Variants in PTPRQ observed in about 807,000 individuals in gnomAD.
The protein encoded by PTPRQ is protein tyrosine phosphatase receptor type Q.
Under a neutral mutation model 246.0 loss-of-function variants are expected in PTPRQ, and 199 were observed. The ratio of observed to expected loss-of-function variants is 0.81; its 90% CI spans 0.72 to 0.91. PTPRQ has a LOEUF of 0.91. Ranked by LOEUF, PTPRQ falls within the 40% of genes least tolerant of loss-of-function variation. The pLI, the probability that PTPRQ is intolerant of heterozygous loss-of-function variation, is 0.00. For synonymous variants in PTPRQ, 869 were observed against 853.2 expected (o/e 1.02, Z -0.32); for missense variants, 2,624 against 2,528.4 (o/e 1.04, Z -0.81).
At chr12:80,466,174 C>T (rs1446168349) in intron 6 of PTPRQ, among the ~76,000 whole-genome samples, 1 of 152,130 alleles carries the variant, frequency 6.6e-6, no homozygotes, top group African/African-American at 2.4e-5. Context: ...GATACAAAAT[C>T]AATGTACAAA....
intron 34 of PTPRQ, 126 bp downstream of exon 34, chr12:80,632,417 T>A: frequency 7.6e-7 from 1 of 1,315,286 alleles, no homozygotes; most frequent in Non-Finnish European, 1.0e-6. Context: ...AATAGACAGA[T>A]AAAAATGTAT....
At position 80,528,026 on chromosome 12, in the gene PTPRQ, C is replaced by T. The variant is rs529156061; in HGVS notation, c.2679-5989C>T. Reference sequence around the variant, plus strand: ...CTGAGCCTGGGGTTGGGGCCATCGACGCTGCAGTGAGTTGTGATCATACCA... The same window carrying T: ...CTGAGCCTGGGGTTGGGGCCATCGATGCTGCAGTGAGTTGTGATCATACCA... On this transcript the variant is annotated intron_variant, in intron 17 of 44. Transcript: ENST00000644991. Among the ~76,000 whole-genome samples, 95 of 152,064 alleles carry T rather than the reference C, an allele frequency of 6.2e-4. 3 individuals are homozygous for T. In the Middle Eastern group the frequency reaches 0.041, roughly 65 times the overall value.
intron 8 of PTPRQ, among the ~76,000 whole-genome samples, chr12:80,478,961 T>C (rs1893927261): frequency 6.6e-6 from 1 of 151,996 alleles, no homozygotes; most frequent in Admixed American, 6.6e-5. Context: ...TGCAGGATAT[T>C]ATCCAGGAGA....
rs139832090 is a variant in PTPRQ, at chr12:80,680,218, G to C, written c.*1195G>C. Reference sequence around the variant, plus strand: ...AGAAGTATATCTTATGCTTATTTCCGCTGGAACATATATATATAAGAAATG... The same window carrying C: ...AGAAGTATATCTTATGCTTATTTCCCCTGGAACATATATATATAAGAAATG... On this transcript the variant is annotated 3_prime_UTR_variant, in exon 45 of 45. Transcript: ENST00000644991. 2 of 150,956 alleles carry C rather than the reference G, an allele frequency of 1.3e-5. No homozygotes were observed. The highest frequency in any genetic ancestry group is 3.0e-5 in the Non-Finnish European group (2 of 67,654). 9.4% of individuals were successfully genotyped at this position (150,956 alleles called of 1,614,324 possible).
chr12:80,622,091 A>G lies in PTPRQ; in HGVS notation c.5643A>G (p.Gly1881=), dbSNP rs1437710194. Residue 1881 remains glycine, a synonymous_variant, in exon 33 of 45, where the codon GGA becomes GGG. Coordinates refer to ENST00000644991, the MANE Select transcript of PTPRQ (RefSeq NM_001145026.2). The part of the protein sequence containing the change: ...LFKFRATNIM[G]QFTDSDYSDP... ...AATTTAGAGCTACAAATATTATGGG[A>G]CAATTTACTGACTCTGATTATTCTG... The G allele has an allele frequency of 1.4e-6, 2 of 1,446,856 alleles. No homozygotes were observed. Among genetic ancestry groups the G allele is most frequent in the South Asian group, 1.5e-5 (1 of 66,542 alleles). 89.6% of individuals were successfully genotyped at this position (1,446,856 alleles called of 1,614,324 possible). A position where few individuals can be genotyped will look rare whatever the true frequency, so the allele number is the denominator to read the frequency against.
At chr12:80,468,300 A>G (rs1592543447) in intron 6 of PTPRQ, among the ~76,000 whole-genome samples, 1 of 152,120 alleles carries the variant, frequency 6.6e-6, no homozygotes, top group Non-Finnish European at 1.5e-5. Context: ...TGAAACTTCT[A>G]CCTGTGTTAA....
intron 8 of PTPRQ, among the ~76,000 whole-genome samples, chr12:80,477,793 C>T (rs1565731906): frequency 6.6e-6 from 1 of 152,194 alleles, no homozygotes; most frequent in African/African-American, 2.4e-5. Flanking sequence ...AATCGGGTCA[C>T]TCCGACCCGA....
intron 39 of PTPRQ, among the ~76,000 whole-genome samples, chr12:80,668,714 G>T (rs1425892100): frequency 6.6e-6 from 1 of 151,896 alleles, no homozygotes; most frequent in East Asian, 1.9e-4. Flanking sequence ...CAAAGACTCA[G>T]ACTTAAGACC....
rs1237273783 is a variant in PTPRQ, at chr12:80,505,910, A to G, written c.2273-114A>G. On this transcript the variant is annotated intron_variant, in intron 14 of 44. Coordinates refer to ENST00000644991, the MANE Select transcript of PTPRQ (RefSeq NM_001145026.2). ...TTCATTCAGGATATTTATTACGATT[A>G]CATTCTAGTGAAGGTTCAATTGTAA... 3 of 1,163,164 alleles carry G rather than the reference A, an allele frequency of 2.6e-6. No individual in the cohort carries two copies. The African/African-American group carries it at 4.8e-5, about 19-fold the overall frequency. 72.1% of individuals were successfully genotyped at this position (1,163,164 alleles called of 1,614,324 possible). A position where few individuals can be genotyped will look rare whatever the true frequency, so the allele number is the denominator to read the frequency against.
chr12:80,641,337 A>G (rs1486922484), intron 35 of PTPRQ, among the ~76,000 whole-genome samples: 1 of 152,216 alleles, frequency 6.6e-6, no homozygotes, highest in Non-Finnish European at 1.5e-5. Context: ...AAGGAATATG[A>G]ATGGAGGCAG....
chr12:80,533,751 A>G (rs1895909421), intron 17 of PTPRQ, among the ~76,000 whole-genome samples: 1 of 152,052 alleles, frequency 6.6e-6, no homozygotes, highest in South Asian at 2.1e-4. Flanking sequence ...ATCCATTAAA[A>G]TTGGTCCAAG....
chr12:80,468,154 G>T (rs1324711079), intron 6 of PTPRQ, among the ~76,000 whole-genome samples: 1 of 152,000 alleles, frequency 6.6e-6, no homozygotes, highest in Non-Finnish European at 1.5e-5. Flanking sequence ...AATTTAAAAT[G>T]TCATTATTAT....
intron 17 of PTPRQ, among the ~76,000 whole-genome samples, chr12:80,523,913 A>G (rs547725968): frequency 7.3e-4 from 111 of 152,176 alleles, no homozygotes; most frequent in African/African-American, 2.1e-3. Flanking sequence ...CCATTCCTGG[A>G]TATCCTTGTT....
chr12:80,565,719 G>A (rs113344104), intron 25 of PTPRQ, among the ~76,000 whole-genome samples: 6 of 152,236 alleles, frequency 3.9e-5, no homozygotes, highest in African/African-American at 1.4e-4. Context: ...TTTCTTCAAT[G>A]TTGCATTTAA....
chr12:80,588,469 C>T lies in PTPRQ; in HGVS notation c.4609+17C>T. The T allele has an allele frequency of 6.9e-7, 1 of 1,447,788 alleles. No individual in the cohort carries two copies. Among genetic ancestry groups the T allele is most frequent in the Non-Finnish European group, 9.1e-7 (1 of 1,098,532 alleles). 89.7% of individuals were successfully genotyped at this position (1,447,788 alleles called of 1,614,324 possible). ...TGCCTGGCCGTGAGTATTGTCCTGACATGTACATACTGATTTCTGTTATAT... is the reference window on the plus strand; with the variant it reads ...TGCCTGGCCGTGAGTATTGTCCTGATATGTACATACTGATTTCTGTTATAT... On this transcript the variant is annotated intron_variant, in intron 26 of 44. Coordinates refer to ENST00000644991, the MANE Select transcript of PTPRQ (RefSeq NM_001145026.2).
chr12:80,628,290 G>T (rs1000119778), intron 33 of PTPRQ, among the ~76,000 whole-genome samples: 3 of 152,088 alleles, frequency 2.0e-5, no homozygotes, highest in Non-Finnish European at 4.4e-5. Flanking sequence ...ACCATGAAGT[G>T]CTGATAACTG....
intron 16 of PTPRQ, 73 bp from the exon 17 acceptor site, chr12:80,510,250 G>A (rs1250188385): frequency 4.6e-6 from 6 of 1,307,518 alleles, no homozygotes; most frequent in Non-Finnish European, 4.9e-6. Context: ...AATAAAAATT[G>A]TGTGCATTTC....
chr12:80,606,501 C>T (rs1272473863), intron 27 of PTPRQ, among the ~76,000 whole-genome samples: 2 of 150,824 alleles, frequency 1.3e-5, no homozygotes, highest in Non-Finnish European at 3.0e-5. Context: ...GAACTGTTAG[C>T]CAGAATAAAG....
In PTPRQ at chr12:80,498,687, T is replaced by A. The variant is rs537535169; in HGVS notation, c.2272+2156T>A. The stretch of plus-strand genomic sequence containing the variant: ...TCTGTTCATTGTTACACTGATATTT[T>A]GTCATTAGGCTTCTGCTCAGCATGG... On this transcript the variant is annotated intron_variant, in intron 14 of 44. Coordinates refer to ENST00000644991, the MANE Select transcript of PTPRQ (RefSeq NM_001145026.2). 4.6e-5 allele frequency among the ~76,000 whole-genome samples: 7 copies of A among 152,230 alleles called. No individual in the cohort carries two copies. The South Asian group carries it at 1.2e-3, about 27-fold the overall frequency.
Sources: gnomAD v4.1 joint callset for allele counts (sites outside exome capture counted in the v4.1 genomes callset) on GRCh38, gnomAD v4.1.1 for gene constraint, MANE v1.5 for transcripts, NCBI Gene and HGNC (gene_info 2026-07-23, HGNC 2026-07-21) for gene names.